The following GABRA2 variants were observed in gnomAD, a reference collection of about 807,000 sequenced individuals.
The protein encoded by GABRA2 is gamma-aminobutyric acid type A receptor subunit alpha2.
In GABRA2, 16 loss-of-function variants were observed where a neutral mutation model predicts 48.7. The ratio of observed to expected loss-of-function variants is 0.33; its 90% CI spans 0.22 to 0.50. The LOEUF is 0.50. Among genes scored for constraint, GABRA2 ranks in the 20% least tolerant of loss-of-function variants. The pLI, the probability that GABRA2 is intolerant of heterozygous loss-of-function variation, is 0.98. For synonymous variants in GABRA2, 185 were observed against 184.5 expected, an observed-to-expected ratio of 1.00 and a Z score of -0.02; for missense variants, 275 against 535.6, an observed-to-expected ratio of 0.51 and a Z score of 4.80.
At chr4:46,269,588 A>G (rs1718892084) in intron 8 of GABRA2, among the ~76,000 whole-genome samples, 1 of 151,930 alleles carries the variant, frequency 6.6e-6, no homozygotes, top group Admixed American at 6.6e-5. Context: ...ATATATCAAT[A>G]TAAATGTAAC....
chr4:46,340,451 T>C (rs1266208934), intron 3 of GABRA2, among the ~76,000 whole-genome samples: 1 of 151,994 alleles, frequency 6.6e-6, no homozygotes, highest in Non-Finnish European at 1.5e-5. Flanking sequence ...TTTTGAAAAT[T>C]TTATTATAAA....
intron 9 of GABRA2, chr4:46,261,718 A>C: frequency 3.3e-6 from 2 of 611,460 alleles, no homozygotes; most frequent in South Asian, 4.0e-5. Flanking sequence ...ACAGCTCAAC[A>C]GATGCTACGG....
At chr4:46,331,707 A>G (rs1731390718) in intron 4 of GABRA2, among the ~76,000 whole-genome samples, 1 of 151,954 alleles carries the variant, frequency 6.6e-6, no homozygotes, top group African/African-American at 2.4e-5. Flanking sequence ...AATTTTCCTC[A>G]CTTATCTATC....
chr4:46,276,573 A>G (rs985330057), intron 8 of GABRA2, among the ~76,000 whole-genome samples: 6 of 150,542 alleles, frequency 4.0e-5, no homozygotes, highest in Admixed American at 6.7e-5. Context: ...TAAAGAAGTC[A>G]CCAAGAGCAT....
chr4:46,379,650 T>C (rs1417808147), intron 3 of GABRA2, among the ~76,000 whole-genome samples: 2 of 152,146 alleles, frequency 1.3e-5, no homozygotes, highest in African/African-American at 2.4e-5. Flanking sequence ...CAGTGAACTT[T>C]AGGAGACCCC....
In GABRA2 at chr4:46,295,251, A is replaced by G. The variant is rs115497136; in HGVS notation, c.856+8209T>C. ...CTGTGCATCTGGTTGTGCACTTTGCATGGAAGGAAAACTGGCCAGATGTGC... is the reference window on the plus strand; with the variant it reads ...CTGTGCATCTGGTTGTGCACTTTGCGTGGAAGGAAAACTGGCCAGATGTGC... On this transcript the variant is annotated intron_variant, in intron 8 of 9. Coordinates refer to ENST00000381620, the MANE Select transcript of GABRA2 (RefSeq NM_000807.4). Among the ~76,000 whole-genome samples, 1,155 of 152,324 alleles carry G rather than the reference A, an allele frequency of 7.6e-3. 17 individuals are homozygous for G. The highest frequency in any genetic ancestry group is 0.026 in the African/African-American group (1,086 of 41,576).
intron 3 of GABRA2, among the ~76,000 whole-genome samples, chr4:46,370,796 C>T (rs1462935859): frequency 6.6e-6 from 1 of 152,000 alleles, no homozygotes; most frequent in Non-Finnish European, 1.5e-5. Context: ...AGCTTGTATT[C>T]AACTCTATAC....
rs1180886073 is a variant in GABRA2, at chr4:46,330,583, T to TAGAGAGAGAGAGAG, written c.255+2031_255+2032insCTCTCTCTCTCTCT. Among the ~76,000 whole-genome samples, 8 of 108,134 alleles carry TAGAGAGAGAGAGAG rather than the reference T, an allele frequency of 7.4e-5. No individual in the cohort carries two copies. In the East Asian group the frequency reaches 2.3e-3, roughly 31 times the overall value. The allele number at this position is 108,134 out of a possible 152,430, so 70.9% of individuals were successfully genotyped here. A position where few individuals can be genotyped will look rare whatever the true frequency, so the allele number is the denominator to read the frequency against. On this transcript the variant is annotated intron_variant, in intron 4 of 9. Coordinates refer to ENST00000381620, the MANE Select transcript of GABRA2 (RefSeq NM_000807.4). ...ATATGCATATATATATATATATATA[T>TAGAGAGAGAGAGAG]ATATATATAGAGAGAGAGAGAGAGA...
intron 9 of GABRA2, 115 bp from the exon 10 acceptor site, chr4:46,250,719 G>T: frequency 1.4e-6 from 1 of 696,874 alleles, no homozygotes; most frequent in South Asian, 2.2e-5. Context: ...TCATGCATTA[G>T]CAAAAAACAG....
At chr4:46,311,928 G>T (rs753401732) in intron 5 of GABRA2, among the ~76,000 whole-genome samples, 1 of 152,068 alleles carries the variant, frequency 6.6e-6, no homozygotes, top group Non-Finnish European at 1.5e-5. Context: ...GCGAAACACC[G>T]TCTCTACTAA....
chr4:46,291,792 C>CATATATATGTGTATATATATATATAT (rs3068359), intron 8 of GABRA2, among the ~76,000 whole-genome samples: 62 of 147,632 alleles, frequency 4.2e-4, no homozygotes, highest in Non-Finnish European at 8.0e-4. Flanking sequence ...TATATATATA[C>CATATATATGTGTATATATATATATAT]ATATACATAT....
chr4:46,270,177 A>G (rs1719053971), intron 8 of GABRA2, among the ~76,000 whole-genome samples: 1 of 152,024 alleles, frequency 6.6e-6, no homozygotes, highest in African/African-American at 2.4e-5. Flanking sequence ...AGTCTTCCCC[A>G]TATCTAAATT....
At chr4:46,294,481 T>G (rs1181183792) in intron 8 of GABRA2, among the ~76,000 whole-genome samples, 1 of 152,168 alleles carries the variant, frequency 6.6e-6, no homozygotes, top group Non-Finnish European at 1.5e-5. Flanking sequence ...GGTGTGTCAC[T>G]CCATCCCATT....
chr4:46,332,368 G>A (rs191434818), intron 4 of GABRA2, among the ~76,000 whole-genome samples: 1 of 151,962 alleles, frequency 6.6e-6, no homozygotes, highest in Non-Finnish European at 1.5e-5. Context: ...TTAAATAATT[G>A]TTTATTACAC....
chr4:46,355,006 C>T (rs1735735364), intron 3 of GABRA2, among the ~76,000 whole-genome samples: 1 of 152,050 alleles, frequency 6.6e-6, no homozygotes, highest in Non-Finnish European at 1.5e-5. Context: ...TTTATACAGA[C>T]CTCACAGGCA....
chr4:46,334,292 T>C (rs184946610), intron 3 of GABRA2, among the ~76,000 whole-genome samples: 11 of 152,234 alleles, frequency 7.2e-5, no homozygotes, highest in Admixed American at 2.0e-4. Context: ...GGACTGGGCA[T>C]CACAAATTAT....
intron 9 of GABRA2, among the ~76,000 whole-genome samples, chr4:46,254,087 A>C (rs1315924828): frequency 6.6e-6 from 1 of 151,500 alleles, no homozygotes; most frequent in East Asian, 1.9e-4. Flanking sequence ...CAGATTTGAT[A>C]GTGATAGTCC....
chr4:46,271,698 A>C (rs922768952), intron 8 of GABRA2, among the ~76,000 whole-genome samples: 30 of 151,946 alleles, frequency 2.0e-4, no homozygotes, highest in African/African-American at 7.2e-4. Context: ...AAAGGCTAAT[A>C]ATAATGTGGA....
chr4:46,266,342 A>C (rs1276549100), intron 8 of GABRA2, among the ~76,000 whole-genome samples: 1 of 147,894 alleles, frequency 6.8e-6, no homozygotes, highest in East Asian at 1.9e-4. Flanking sequence ...TAAATTTATA[A>C]ATTTAAATAT....
Sources: allele counts gnomAD v4.1 joint callset (sites outside exome capture counted in the v4.1 genomes callset), GRCh38; gene constraint gnomAD v4.1.1; transcripts MANE v1.5; gene names NCBI Gene and HGNC (gene_info 2026-07-23, HGNC 2026-07-21).